PLB1: variants seen among roughly 807,000 people sequenced by gnomAD.
The protein encoded by PLB1 is phospholipase B1, membrane-associated.
In PLB1, 242 loss-of-function variants were observed where a neutral mutation model predicts 227.4. That is an observed-to-expected ratio of 1.06 (90% confidence interval 0.96 to 1.18). PLB1 has a LOEUF of 1.18. Ranked by LOEUF, PLB1 falls within the 50% of genes most tolerant of loss-of-function variation. The pLI is 0.00. For synonymous variants in PLB1, 757 were observed against 682.2 expected, an observed-to-expected ratio of 1.11 and a Z score of -1.71; for missense variants, 1,858 against 1,816.3, an observed-to-expected ratio of 1.02 and a Z score of -0.42.
chr2:28,540,683 G>C (rs1308758285), intron 12 of PLB1, among the ~76,000 whole-genome samples: 3 of 152,144 alleles, frequency 2.0e-5, no homozygotes, highest in Admixed American at 2.0e-4. Context: ...GGGGACAGTG[G>C]GGGTACTTGA....
chr2:28,507,222 C>T (rs965973474), intron 1 of PLB1, among the ~76,000 whole-genome samples: 4 of 152,198 alleles, frequency 2.6e-5, no homozygotes, highest in Non-Finnish European at 5.9e-5. Flanking sequence ...GTTGCTCCTT[C>T]CTGGCTCTGG....
intron 1 of PLB1, among the ~76,000 whole-genome samples, chr2:28,509,192 A>G (rs1052350359): frequency 3.9e-5 from 6 of 152,222 alleles, no homozygotes; most frequent in Non-Finnish European, 2.9e-5. Context: ...CATCATAAGT[A>G]TACGAACATC....
chr2:28,540,400 A>G lies in PLB1; in HGVS notation c.733A>G (p.Thr245Ala), dbSNP rs149777042. ...APEPCNCSEETTRLAKVVMQW... is the reference protein window; with the variant it reads ...APEPCNCSEEATRLAKVVMQW... ...AGAGCCCTGTAATTGCTCAGAGGAG[A>G]CCACCCGGCTGGCCAAGGTGGTGAT... Residue 245 changes from threonine to alanine, a missense_variant, in exon 12 of 58, where the codon ACC becomes GCC. Transcript: ENST00000327757. The G allele has an allele frequency of 5.9e-5, 96 of 1,613,936 alleles. No homozygotes were observed. The African/African-American group carries it at 9.9e-4, about 17-fold the overall frequency.
chr2:28,623,163 GA>G (rs1687270905), intron 49 of PLB1, among the ~76,000 whole-genome samples: 1 of 152,188 alleles, frequency 6.6e-6, no homozygotes, highest in Non-Finnish European at 1.5e-5. Flanking sequence ...TCCTTTAAAA[GA>G]TGGGAAAAGT....
chr2:28,515,450 G>A (rs1194709194), intron 1 of PLB1, among the ~76,000 whole-genome samples: 2 of 152,150 alleles, frequency 1.3e-5, no homozygotes. Context: ...TTCCCGTCAT[G>A]TGGCCCTTTC....
At chr2:28,617,489 C>T (rs983965436) in intron 44 of PLB1, among the ~76,000 whole-genome samples, 2 of 152,172 alleles carry the variant, frequency 1.3e-5, no homozygotes, top group Admixed American at 6.5e-5. Context: ...TGTGTGGGTG[C>T]ACATGTGGAG....
At chr2:28,522,157 C>T (rs1029288872) in intron 4 of PLB1, among the ~76,000 whole-genome samples, 13 of 151,878 alleles carry the variant, frequency 8.6e-5, no homozygotes, top group African/African-American at 2.9e-4. Context: ...ATCAATGCCA[C>T]CTCTGCTTGA....
chr2:28,583,152 C>T lies in PLB1; in HGVS notation c.1733+647C>T, dbSNP rs149548773. On this transcript the variant is annotated intron_variant, in intron 25 of 57. Transcript: ENST00000327757. ...TAATACAGGCTGAGCATCCCTCATCCGAAAATCTGAAATCTGAAATGCTCC... is the reference window on the plus strand; with the variant it reads ...TAATACAGGCTGAGCATCCCTCATCTGAAAATCTGAAATCTGAAATGCTCC... Among the ~76,000 whole-genome samples, 261 of 151,964 alleles carry T rather than the reference C, an allele frequency of 1.7e-3. 1 individual carries two copies. The highest frequency in any genetic ancestry group is 5.4e-3 in the East Asian group (28 of 5,154).
chr2:28,631,920 T>A, intron 54 of PLB1, 116 bp from the exon 55 acceptor site: 1 of 796,764 alleles, frequency 1.3e-6, no homozygotes, highest in Non-Finnish European at 2.2e-6. Flanking sequence ...CCCCTTAAAG[T>A]CACTGTCCTT....
chr2:28,501,829 A>G (rs1667137657), intron 1 of PLB1, among the ~76,000 whole-genome samples: 1 of 152,168 alleles, frequency 6.6e-6, no homozygotes, highest in Non-Finnish European at 1.5e-5. Context: ...ACTGCAGAAT[A>G]TTCCAGTATG....
Position 28,632,138 on chromosome 2 carries a change from G to A in PLB1, c.4000G>A (p.Glu1334Lys), listed in dbSNP as rs377388214. 3.2e-5 allele frequency: 52 copies of A among 1,611,730 alleles called. No homozygotes were observed. The highest frequency in any genetic ancestry group is 6.7e-5 in the African/African-American group (5 of 74,826). Residue 1334 changes from glutamate to lysine, a missense_variant and splice_region_variant, in exon 55 of 58, where the codon GAG becomes AAG. By Grantham distance (56) the Glu-to-Lys change is moderately conservative. Transcript: ENST00000327757. ...FFQNTLTPLNERGDTDLTFFS... is the reference protein window; with the variant it reads ...FFQNTLTPLNKRGDTDLTFFS... ...CCAAAACACACTCACCCCACTGAAC[G>A]AGGTGAGCTGCAGGTATTTTAGGGA...
chr2:28,536,989 G>A (rs1240037773), intron 9 of PLB1, among the ~76,000 whole-genome samples: 3 of 152,186 alleles, frequency 2.0e-5, no homozygotes, highest in Admixed American at 6.5e-5. Context: ...GATGGGCAGC[G>A]AGGATGCCTC....
intron 43 of PLB1, among the ~76,000 whole-genome samples, chr2:28,607,167 G>C (rs942589786): frequency 6.6e-6 from 1 of 152,164 alleles, no homozygotes; most frequent in Non-Finnish European, 1.5e-5. Context: ...TGGGGTGGGG[G>C]CAGGTTCTCA....
rs548225932 is a variant in PLB1 at position 28,603,994 on chromosome 2, C to T, written c.2803C>T (p.Arg935Trp). 2.7e-5 allele frequency: 43 copies of T among 1,614,198 alleles called. No homozygotes were observed. Among genetic ancestry groups the T allele is most frequent in the South Asian group, 1.9e-4 (17 of 91,082 alleles). Residue 935 changes from arginine (R) to tryptophan (W), a missense_variant, in exon 40 of 58, where the codon CGG becomes TGG. Physicochemically the swap from Arg to Trp is moderately radical, Grantham distance 101. Coordinates refer to ENST00000327757, the MANE Select transcript of PLB1 (RefSeq NM_153021.5). ...TTTGTGTAACTGCGTTCTGACCCTGCGGGAGAACTCCCAAGAGCTAGCCAG... is the reference window on the plus strand; with the variant it reads ...TTTGTGTAACTGCGTTCTGACCCTGTGGGAGAACTCCCAAGAGCTAGCCAG... ...SVLCNCVLTLRENSQELARLE... is the reference protein window; with the variant it reads ...SVLCNCVLTLWENSQELARLE...
intron 4 of PLB1, among the ~76,000 whole-genome samples, chr2:28,522,050 G>A (rs1378173012): frequency 6.6e-6 from 1 of 152,000 alleles, no homozygotes; most frequent in Admixed American, 6.6e-5. Context: ...CCTTGGACCT[G>A]TCTTCTACCT....
At chr2:28,586,700 G>A (rs1680956879) in intron 26 of PLB1, among the ~76,000 whole-genome samples, 1 of 152,092 alleles carries the variant, frequency 6.6e-6, no homozygotes, top group South Asian at 2.1e-4. Flanking sequence ...CTAGCACTCG[G>A]GATGACTCCC....
chr2:28,609,004 C>T (rs1191576585), intron 43 of PLB1, among the ~76,000 whole-genome samples: 2 of 152,188 alleles, frequency 1.3e-5, no homozygotes, highest in Non-Finnish European at 2.9e-5. Context: ...CAGCTTTCAA[C>T]TCCTAGGCTC....
chr2:28,631,932 AGGGTGAGTTGACTCCCG>A, intron 54 of PLB1, 87 bp from the exon 55 acceptor site: 1 of 893,798 alleles, frequency 1.1e-6, no homozygotes. Flanking sequence ...ACTGTCCTTT[AGGGTGAGTTGACTCCCG>A]TCAACAACCA....
chr2:28,630,705 G>A (rs765969194), intron 54 of PLB1, 41 bp downstream of exon 54: 4 of 1,550,122 alleles, frequency 2.6e-6, no homozygotes, highest in African/African-American at 1.4e-5. Flanking sequence ...CAGCTGGGGG[G>A]CCCCCTGTAC....
Sources: allele counts gnomAD v4.1 joint callset (sites outside exome capture counted in the v4.1 genomes callset), GRCh38; gene constraint gnomAD v4.1.1; transcripts MANE v1.5; gene names NCBI Gene and HGNC (gene_info 2026-07-23, HGNC 2026-07-21).